Variants in AMPH observed in about 807,000 individuals in gnomAD.
The protein encoded by AMPH is amphiphysin.
AMPH carries 49 observed loss-of-function variants against 99.1 expected under a neutral mutation model. The observed-to-expected ratio is 0.49, with a 90% CI of 0.39 to 0.63. The LOEUF (loss-of-function observed/expected upper bound fraction) is 0.63, where lower values mean the gene tolerates loss of function less well. Ranked by LOEUF, AMPH falls within the 20% of genes least tolerant of loss-of-function variation. The probability of loss-of-function intolerance (pLI) is 0.00; values close to 1 mark genes in which losing one functional copy is unlikely to be tolerated. For missense variants in AMPH, 759 were observed against 863.4 expected (o/e 0.88, Z 1.52); for synonymous variants, 314 against 317.3 (o/e 0.99, Z 0.11).
At chr7:38,596,653 T>A (rs911679169) in intron 1 of AMPH, among the ~76,000 whole-genome samples, 1 of 152,194 alleles carries the variant, frequency 6.6e-6, no homozygotes, top group Non-Finnish European at 1.5e-5. Context: ...AAGGGAAAGA[T>A]GAGAAAGGAT....
At chr7:38,463,194 A>AC in intron 9 of AMPH, 81 bp from the exon 10 acceptor site, 1 of 1,590,650 alleles carries the variant, frequency 6.3e-7, no homozygotes, top group Non-Finnish European at 8.6e-7. Context: ...TTTCAGAGAA[A>AC]CCCAGAAGCC....
intron 12 of AMPH, among the ~76,000 whole-genome samples, chr7:38,435,368 T>G (rs1413002375): frequency 6.6e-6 from 1 of 152,202 alleles, no homozygotes; most frequent in African/African-American, 2.4e-5. Flanking sequence ...CCAAGAAGGC[T>G]TCAAGGCCAG....
At chr7:38,412,566 C>A (rs1271385222) in intron 17 of AMPH, among the ~76,000 whole-genome samples, 1 of 152,178 alleles carries the variant, frequency 6.6e-6, no homozygotes, top group Non-Finnish European at 1.5e-5. Flanking sequence ...ACCTACAAAC[C>A]CAGATCAACC....
At chr7:38,503,239 A>G (rs1789204330) in intron 3 of AMPH, among the ~76,000 whole-genome samples, 1 of 152,024 alleles carries the variant, frequency 6.6e-6, no homozygotes, top group African/African-American at 2.4e-5. Flanking sequence ...TCTTCCACCT[A>G]CCTTTGCCAC....
intron 12 of AMPH, among the ~76,000 whole-genome samples, chr7:38,435,179 T>C (rs1279103209): frequency 6.6e-6 from 1 of 152,238 alleles, no homozygotes; most frequent in Non-Finnish European, 1.5e-5. Flanking sequence ...TCAAGGCTAG[T>C]GTTTAGACTA....
rs367890907 is a variant in AMPH at position 38,400,563 on chromosome 7, A to T, written c.1399-6349T>A. Among the ~76,000 whole-genome samples the T allele has an allele frequency of 3.9e-5, 6 of 152,378 alleles. 1 individual carries two copies. In the East Asian group the frequency reaches 5.8e-4, roughly 15 times the overall value. On this transcript the variant is annotated intron_variant, in intron 17 of 20. Transcript: ENST00000356264. ...TATCAATCATGTAAAATAGGGAAAC[A>T]CAACTGGGTGACAGAAACTAGCCAG... is the stretch of plus-strand genomic sequence containing the variant.
chr7:38,621,535 C>T lies in AMPH; in HGVS notation c.69+9748G>A, dbSNP rs146146072. Among the ~76,000 whole-genome samples the T allele has an allele frequency of 9.2e-5, 14 of 152,160 alleles. No homozygotes were observed. In the East Asian group the frequency reaches 2.5e-3, roughly 27 times the overall value. On this transcript the variant is annotated intron_variant, in intron 1 of 20. Coordinates refer to ENST00000356264, the MANE Select transcript of AMPH (RefSeq NM_001635.4). ...TCCTTTACTCAACAACTTTTAGGTG[C>T]CTTGATAAAAGTGCATTTATGCATG...
intron 1 of AMPH, among the ~76,000 whole-genome samples, chr7:38,569,317 T>C (rs1057047093): frequency 1.3e-5 from 2 of 151,876 alleles, no homozygotes; most frequent in Middle Eastern, 3.4e-3. Flanking sequence ...CAATTTACAA[T>C]CATAAAAAGT....
chr7:38,419,575 A>T (rs904550045), intron 16 of AMPH, among the ~76,000 whole-genome samples: 2 of 152,210 alleles, frequency 1.3e-5, no homozygotes, highest in Non-Finnish European at 2.9e-5. Context: ...TTTGAAAAGA[A>T]TTATCTTCAT....
At chr7:38,498,737 T>G (rs17171387) in intron 3 of AMPH, among the ~76,000 whole-genome samples, 27,865 of 152,272 alleles carry the variant, frequency 0.18, 2,780 homozygotes, top group Middle Eastern at 0.28. Context: ...AATGCTAATC[T>G]GATCATGGGA....
At chr7:38,494,178 T>C (rs542170638) in intron 4 of AMPH, among the ~76,000 whole-genome samples, 1 of 152,268 alleles carries the variant, frequency 6.6e-6, no homozygotes, top group East Asian at 1.9e-4. Flanking sequence ...AGGCTGATCT[T>C]GAACTCCTGA....
intron 1 of AMPH, among the ~76,000 whole-genome samples, chr7:38,594,073 G>T (rs145193548): frequency 2.7e-4 from 41 of 152,242 alleles, no homozygotes; most frequent in African/African-American, 8.9e-4. Flanking sequence ...TAAGGGTGCA[G>T]GGGGTCACGG....
intron 2 of AMPH, among the ~76,000 whole-genome samples, chr7:38,512,524 G>C (rs1789577806): frequency 6.6e-6 from 1 of 152,170 alleles, no homozygotes; most frequent in Non-Finnish European, 1.5e-5. Flanking sequence ...AAATGCTGAG[G>C]AATGGGACTC....
At chr7:38,536,776 T>C (rs548777773) in intron 1 of AMPH, among the ~76,000 whole-genome samples, 31 of 152,252 alleles carry the variant, frequency 2.0e-4, no homozygotes, top group African/African-American at 6.7e-4. Context: ...ATCACTGTAT[T>C]AACTAATACT....
At chr7:38,500,852 C>A (rs772598586) in intron 3 of AMPH, among the ~76,000 whole-genome samples, 3 of 152,160 alleles carry the variant, frequency 2.0e-5, no homozygotes, top group Admixed American at 6.5e-5. Flanking sequence ...AGACTTACTT[C>A]TTTGCAAATG....
intron 17 of AMPH, among the ~76,000 whole-genome samples, chr7:38,404,360 A>G (rs879538916): frequency 3.3e-5 from 5 of 152,020 alleles, no homozygotes; most frequent in Admixed American, 2.0e-4. Context: ...AGACCAAATA[A>G]AAAACCTGCT....
chr7:38,452,368 G>A (rs1787070901), intron 11 of AMPH, among the ~76,000 whole-genome samples: 1 of 152,156 alleles, frequency 6.6e-6, no homozygotes, highest in Admixed American at 6.5e-5. Flanking sequence ...TTTCAATGCT[G>A]TACTTCCTTG....
chr7:38,464,084 C>A, intron 9 of AMPH: 1 of 1,289,774 alleles, frequency 7.8e-7, no homozygotes, highest in Non-Finnish European at 1.0e-6. Context: ...ACTGAGCTCA[C>A]TCACCACCTC....
intron 11 of AMPH, among the ~76,000 whole-genome samples, chr7:38,441,607 G>T (rs1246808344): frequency 6.6e-6 from 1 of 151,642 alleles, no homozygotes; most frequent in Non-Finnish European, 1.5e-5. Flanking sequence ...CAATGCTAAA[G>T]TTCCCAGTAT....
Sources: allele counts gnomAD v4.1 joint callset (sites outside exome capture counted in the v4.1 genomes callset), GRCh38; gene constraint gnomAD v4.1.1; transcripts MANE v1.5; gene names NCBI Gene and HGNC (gene_info 2026-07-23, HGNC 2026-07-21).